NKAIN2: variants seen among roughly 807,000 people sequenced by gnomAD.
The protein encoded by NKAIN2 is sodium/potassium-transporting ATPase subunit beta-1-interacting protein 2.
In NKAIN2, 14 loss-of-function variants were observed where a neutral mutation model predicts 32.6. The observed-to-expected ratio is 0.43, with a 90% CI of 0.28 to 0.67. NKAIN2 has a LOEUF of 0.67. Among genes scored for constraint, NKAIN2 ranks in the 30% least tolerant of loss-of-function variants. The probability of loss-of-function intolerance (pLI) is 0.17; values close to 1 mark genes in which losing one functional copy is unlikely to be tolerated. For synonymous variants in NKAIN2, 80 were observed against 87.2 expected (o/e 0.92, Z 0.46); for missense variants, 198 against 258.3 (o/e 0.77, Z 1.60).
At chr6:124,479,442 C>T (rs527373853) in intron 3 of NKAIN2, among the ~76,000 whole-genome samples, 1 of 152,230 alleles carries the variant, frequency 6.6e-6, no homozygotes, top group South Asian at 2.1e-4. Context: ...CCCAAACAAT[C>T]TCTGGATGGA....
At chr6:124,378,893 C>T (rs1322047243) in intron 3 of NKAIN2, among the ~76,000 whole-genome samples, 1 of 150,270 alleles carries the variant, frequency 6.7e-6, no homozygotes, top group African/African-American at 2.4e-5. Context: ...AGTTTGAGTC[C>T]AGCCTGGGCA....
chr6:124,670,414 ATAT>A (rs1185250123), intron 4 of NKAIN2, among the ~76,000 whole-genome samples: 3 of 152,230 alleles, frequency 2.0e-5, no homozygotes, highest in Admixed American at 1.3e-4. Flanking sequence ...GTATAGAATA[ATAT>A]TAATAAAATT....
At chr6:124,209,123 C>T (rs932690710) in intron 1 of NKAIN2, among the ~76,000 whole-genome samples, 3 of 151,292 alleles carry the variant, frequency 2.0e-5, no homozygotes, top group Non-Finnish European at 3.0e-5. Context: ...CCCGCCTCGC[C>T]GCTACTCTTC....
At chr6:124,729,463 G>C (rs1429751999) in intron 4 of NKAIN2, among the ~76,000 whole-genome samples, 1 of 151,698 alleles carries the variant, frequency 6.6e-6, no homozygotes, top group East Asian at 1.9e-4. Flanking sequence ...AAAACCACAT[G>C]ATTATCTCAA....
At chr6:123,852,208 T>A (rs1046574786) in intron 1 of NKAIN2, among the ~76,000 whole-genome samples, 3 of 152,224 alleles carry the variant, frequency 2.0e-5, no homozygotes, top group African/African-American at 7.2e-5. Flanking sequence ...AGCGACAACA[T>A]GATCTTTTGA....
intron 3 of NKAIN2, among the ~76,000 whole-genome samples, chr6:124,372,344 T>C (rs1462481986): frequency 6.6e-6 from 1 of 152,160 alleles, no homozygotes; most frequent in Non-Finnish European, 1.5e-5. Context: ...GCAGGCTGTC[T>C]GTATGTGACA....
chr6:124,451,628 C>A (rs765903209), intron 3 of NKAIN2, among the ~76,000 whole-genome samples: 1 of 152,120 alleles, frequency 6.6e-6, no homozygotes, highest in Non-Finnish European at 1.5e-5. Context: ...TGAGTATGTG[C>A]AACTTGGAGA....
At chr6:124,477,674 CT>C (rs1425698387) in intron 3 of NKAIN2, among the ~76,000 whole-genome samples, 4 of 139,142 alleles carry the variant, frequency 2.9e-5, no homozygotes, top group Non-Finnish European at 4.7e-5. Context: ...TCCCCTTCTC[CT>C]TTCCCCTCCC....
chr6:123,837,580 G>GT (rs985718609), intron 1 of NKAIN2, among the ~76,000 whole-genome samples: 6 of 152,216 alleles, frequency 3.9e-5, no homozygotes, highest in African/African-American at 1.2e-4. Context: ...TTTTACGAAT[G>GT]TAACACAGTT....
At chr6:124,421,535 A>G (rs1774750180) in intron 3 of NKAIN2, among the ~76,000 whole-genome samples, 1 of 152,092 alleles carries the variant, frequency 6.6e-6, no homozygotes, top group African/African-American at 2.4e-5. Context: ...GGACTTAACT[A>G]TAACATTTTA....
intron 3 of NKAIN2, among the ~76,000 whole-genome samples, chr6:124,364,250 AAGAGAG>A (rs1554288847): frequency 1.4e-5 from 2 of 139,740 alleles, no homozygotes; most frequent in East Asian, 2.1e-4. Context: ...AAAAAAAAAA[AAGAGAG>A]AAAAGAATGT....
At chr6:124,760,491 TAAA>T (rs1217386470) in intron 4 of NKAIN2, among the ~76,000 whole-genome samples, 2 of 151,572 alleles carry the variant, frequency 1.3e-5, no homozygotes, top group African/African-American at 4.8e-5. Context: ...AAAATAAATT[TAAA>T]AAAAGCTTCC....
chr6:124,237,449 G>A (rs1792835245), intron 1 of NKAIN2, among the ~76,000 whole-genome samples: 1 of 151,948 alleles, frequency 6.6e-6, no homozygotes, highest in African/African-American at 2.4e-5. Context: ...AGTAAGCAGG[G>A]GCAATAGAAA....
intron 3 of NKAIN2, among the ~76,000 whole-genome samples, chr6:124,438,917 C>T (rs1205096879): frequency 4.6e-5 from 7 of 152,106 alleles, no homozygotes; most frequent in Non-Finnish European, 8.8e-5. Context: ...GCTGCTAAAT[C>T]GTGGAGTTAA....
intron 1 of NKAIN2, among the ~76,000 whole-genome samples, chr6:124,082,626 C>A (rs116273403): frequency 0.029 from 4,436 of 151,796 alleles, 201 homozygotes; most frequent in African/African-American, 0.098. Flanking sequence ...GTTTATGACA[C>A]ATGGCCAATA....
intron 1 of NKAIN2, among the ~76,000 whole-genome samples, chr6:124,225,226 T>C (rs1306207617): frequency 1.3e-5 from 2 of 152,074 alleles, no homozygotes; most frequent in Non-Finnish European, 1.5e-5. Context: ...AATTGATGAA[T>C]TTACTTCAAT....
intron 1 of NKAIN2, among the ~76,000 whole-genome samples, chr6:123,947,637 A>T (rs1294521221): frequency 6.6e-6 from 1 of 152,128 alleles, no homozygotes. Flanking sequence ...TGATACAAAT[A>T]TTTGTACCTA....
intron 2 of NKAIN2, among the ~76,000 whole-genome samples, chr6:124,293,858 C>T (rs116376496): frequency 1.3e-5 from 2 of 152,016 alleles, no homozygotes; most frequent in African/African-American, 4.8e-5. Context: ...TTTCTATTTT[C>T]TCTCATTCCA....
At chr6:124,084,145 G>A (rs1479392472) in intron 1 of NKAIN2, among the ~76,000 whole-genome samples, 1 of 151,824 alleles carries the variant, frequency 6.6e-6, no homozygotes, top group Non-Finnish European at 1.5e-5. Flanking sequence ...GGAAAATAAG[G>A]AACAGATTGG....
Sources: gnomAD v4.1 joint callset for allele counts (sites outside exome capture counted in the v4.1 genomes callset) on GRCh38, gnomAD v4.1.1 for gene constraint, MANE v1.5 for transcripts, NCBI Gene and HGNC (gene_info 2026-07-23, HGNC 2026-07-21) for gene names.